The following CCDC178 variants were observed in gnomAD, a reference collection of about 807,000 sequenced individuals.
CCDC178 encodes coiled-coil domain containing 178, also known as coiled-coil domain-containing protein 178.
CCDC178 carries 126 observed loss-of-function variants against 117.4 expected under a neutral mutation model. The ratio of observed to expected loss-of-function variants is 1.07; its 90% CI spans 0.93 to 1.24. The LOEUF is 1.24. Among genes scored for constraint, CCDC178 ranks in the 50% most tolerant of loss-of-function variants. CCDC178 has a pLI of 0.00. For synonymous variants in CCDC178, 283 were observed against 313.4 expected (o/e 0.90, Z 1.02); for missense variants, 1,030 against 986.9 (o/e 1.04, Z -0.59).
chr18:33,143,034 G>C (rs2058226582), intron 20 of CCDC178, among the ~76,000 whole-genome samples: 1 of 151,996 alleles, frequency 6.6e-6, no homozygotes, highest in Non-Finnish European at 1.5e-5. Context: ...GCTTCCACGG[G>C]TTACAGAAAA....
chr18:33,425,871 C>T (rs969087769), intron 2 of CCDC178, among the ~76,000 whole-genome samples: 29 of 152,058 alleles, frequency 1.9e-4, no homozygotes, highest in Non-Finnish European at 7.4e-5. Context: ...GGTTCTACAG[C>T]CAGTAGAAAA....
At chr18:33,321,331 A>C (rs1447781063) in intron 11 of CCDC178, among the ~76,000 whole-genome samples, 2 of 152,226 alleles carry the variant, frequency 1.3e-5, no homozygotes, top group Non-Finnish European at 2.9e-5. Flanking sequence ...AAATTTTTGC[A>C]ATCTACTCAT....
chr18:33,010,768 G>A (rs936859202), intron 21 of CCDC178, among the ~76,000 whole-genome samples: 1 of 151,910 alleles, frequency 6.6e-6, no homozygotes, highest in African/African-American at 2.4e-5. Flanking sequence ...TTCTTTAAGG[G>A]CTTAAGCCTA....
chr18:33,328,326 C>A (rs2062616709), intron 10 of CCDC178, among the ~76,000 whole-genome samples: 1 of 152,000 alleles, frequency 6.6e-6, no homozygotes, highest in Non-Finnish European at 1.5e-5. Flanking sequence ...TGGTCTCGAT[C>A]TCTTGACCTC....
Position 33,231,602 on chromosome 18 carries a change from C to T in CCDC178, c.1594-4747G>A, listed in dbSNP as rs1275128548. Among the ~76,000 whole-genome samples the T allele has an allele frequency of 2.6e-5, 4 of 152,282 alleles. No individual in the cohort carries two copies. In the East Asian group the frequency reaches 5.8e-4, roughly 22 times the overall value. On this transcript the variant is annotated intron_variant, in intron 15 of 22. Transcript: ENST00000383096. ...GTTTTACTTTTGGAGTAAAGCTAGG[C>T]TTTATCAACAGAGGGCAGGGGACAG...
At chr18:32,955,597 TATTAA>T (rs893559200) in intron 22 of CCDC178, among the ~76,000 whole-genome samples, 3 of 152,180 alleles carry the variant, frequency 2.0e-5, no homozygotes, top group African/African-American at 4.8e-5. Flanking sequence ...GATAAGTATT[TATTAA>T]ATTAATGAAA....
chr18:33,138,759 A>G (rs2058159933), intron 20 of CCDC178, among the ~76,000 whole-genome samples: 1 of 152,206 alleles, frequency 6.6e-6, no homozygotes, highest in Non-Finnish European at 1.5e-5. Flanking sequence ...AGTGCATATC[A>G]TCATTTAAAC....
chr18:33,391,300 G>T (rs1233170575), intron 4 of CCDC178, among the ~76,000 whole-genome samples: 1 of 151,002 alleles, frequency 6.6e-6, no homozygotes, highest in African/African-American at 2.4e-5. Context: ...CAATAAAACA[G>T]CATATTGTAT....
chr18:33,340,054 G>C (rs1242408834), intron 9 of CCDC178, among the ~76,000 whole-genome samples: 1 of 152,180 alleles, frequency 6.6e-6, no homozygotes, highest in Non-Finnish European at 1.5e-5. Context: ...ATGTGGGAAA[G>C]TTTGGAACCC....
At chr18:33,328,446 T>C (rs903982183) in intron 10 of CCDC178, among the ~76,000 whole-genome samples, 1 of 152,126 alleles carries the variant, frequency 6.6e-6, no homozygotes, top group Non-Finnish European at 1.5e-5. Context: ...AGCTCTTATA[T>C]TTATGTCTTT....
At chr18:32,993,742 T>C (rs2055442858) in intron 21 of CCDC178, among the ~76,000 whole-genome samples, 1 of 152,174 alleles carries the variant, frequency 6.6e-6, no homozygotes, top group Non-Finnish European at 1.5e-5. Context: ...GCAGGGTCAA[T>C]GTGATGTTCA....
intron 21 of CCDC178, among the ~76,000 whole-genome samples, chr18:33,036,107 T>A (rs1461976584): frequency 2.0e-5 from 3 of 151,856 alleles, no homozygotes; most frequent in Non-Finnish European, 4.4e-5. Flanking sequence ...GAATGGCAAA[T>A]GTAGTAGACA....
intron 20 of CCDC178, among the ~76,000 whole-genome samples, chr18:33,104,670 T>C (rs2057680558): frequency 6.6e-6 from 1 of 151,660 alleles, no homozygotes; most frequent in Non-Finnish European, 1.5e-5. Context: ...CACTTTTACG[T>C]TTTTCCCACA....
chr18:33,156,107 G>C, intron 20 of CCDC178, among the ~76,000 whole-genome samples: 1 of 24,104 alleles, frequency 4.1e-5, no homozygotes, highest in South Asian at 1.4e-3. Flanking sequence ...TTTTTTTTTT[G>C]AGACGGAGTC....
At chr18:32,985,405 A>G (rs1193221671) in intron 21 of CCDC178, among the ~76,000 whole-genome samples, 2 of 151,980 alleles carry the variant, frequency 1.3e-5, no homozygotes, top group Non-Finnish European at 2.9e-5. Context: ...TTAGAATGCA[A>G]AACTCTGACC....
intron 20 of CCDC178, among the ~76,000 whole-genome samples, chr18:33,110,195 C>G (rs1431841014): frequency 6.6e-6 from 1 of 151,490 alleles, no homozygotes; most frequent in Non-Finnish European, 1.5e-5. Context: ...TTGTATAGCT[C>G]CTTTCTGAAG....
intron 18 of CCDC178, 33 bp downstream of exon 18, chr18:33,223,073 A>G (rs2059257470): frequency 6.7e-7 from 1 of 1,482,906 alleles, no homozygotes; most frequent in African/African-American, 1.4e-5. Flanking sequence ...TAAACTGTAA[A>G]TTCAAAATTA....
intron 21 of CCDC178, among the ~76,000 whole-genome samples, chr18:32,984,815 C>A (rs1243937186): frequency 6.6e-6 from 1 of 151,974 alleles, no homozygotes; most frequent in Admixed American, 6.6e-5. Flanking sequence ...ATTACACTGT[C>A]AAACATAGAG....
chr18:33,291,103 A>ATAAATAT (rs1257172586), intron 12 of CCDC178, among the ~76,000 whole-genome samples: 1 of 152,158 alleles, frequency 6.6e-6, no homozygotes, highest in Non-Finnish European at 1.5e-5. Flanking sequence ...AAACTATCAC[A>ATAAATAT]TAAATATTAA....
Sources: allele counts gnomAD v4.1 joint callset (sites outside exome capture counted in the v4.1 genomes callset), GRCh38; gene constraint gnomAD v4.1.1; transcripts MANE v1.5; gene names NCBI Gene and HGNC (gene_info 2026-07-23, HGNC 2026-07-21).